Variants in RPA3 observed in about 807,000 individuals in gnomAD.
The protein encoded by RPA3 is replication protein A3, also known as replication protein A 14 kDa subunit.
Under a neutral mutation model 13.7 loss-of-function variants are expected in RPA3, and 24 were observed. The ratio of observed to expected loss-of-function variants is 1.75; its 90% confidence interval spans 1.27 to 2.46. The LOEUF is 2.46. RPA3 is among the 30% of genes most tolerant of loss of function. The probability of loss-of-function intolerance (pLI) is 0.00; values close to 1 mark genes in which losing one functional copy is unlikely to be tolerated. For missense variants in RPA3, 183 were observed against 151.0 expected (o/e 1.21, Z -1.11); for synonymous variants, 59 against 51.2 (o/e 1.15, Z -0.65).
At chr7:7,665,027 A>C (rs1304141523) in intron 4 of RPA3, among the ~76,000 whole-genome samples, 1 of 152,208 alleles carries the variant, frequency 6.6e-6, no homozygotes, top group Middle Eastern at 3.2e-3. Context: ...ACACACACAC[A>C]CATTCATACA....
At chr7:7,717,254 A>C (rs905794601) in intron 1 of RPA3, among the ~76,000 whole-genome samples, 1 of 151,624 alleles carries the variant, frequency 6.6e-6, no homozygotes, top group Non-Finnish European at 1.5e-5. Context: ...ACTGGGTTTC[A>C]CCACGTTGGC....
At chr7:7,710,027 A>T (rs1780712991) in intron 2 of RPA3, among the ~76,000 whole-genome samples, 1 of 152,178 alleles carries the variant, frequency 6.6e-6, no homozygotes, top group Non-Finnish European at 1.5e-5. Flanking sequence ...ATATAAATCG[A>T]GTCACTCACA....
intron 2 of RPA3, among the ~76,000 whole-genome samples, chr7:7,710,853 C>A (rs1780740542): frequency 6.6e-6 from 1 of 152,112 alleles, no homozygotes; most frequent in South Asian, 2.1e-4. Flanking sequence ...TAATACTCAG[C>A]AAGAAGAAGT....
intron 2 of RPA3, among the ~76,000 whole-genome samples, chr7:7,707,111 C>T (rs1429780347): frequency 2.0e-5 from 3 of 152,068 alleles, no homozygotes; most frequent in Non-Finnish European, 4.4e-5. Flanking sequence ...TACTACCATT[C>T]CCTGGTTGGT....
intron 2 of RPA3, among the ~76,000 whole-genome samples, chr7:7,692,809 A>G (rs1464948614): frequency 2.0e-5 from 3 of 152,110 alleles, no homozygotes; most frequent in Non-Finnish European, 4.4e-5. Flanking sequence ...GGGGTTCACC[A>G]TGTTGGTCAG....
At position 7,664,082 on chromosome 7, in the gene RPA3, T is replaced by C. The variant is rs532667264; in HGVS notation, c.-758+21748A>G. 2.0e-4 allele frequency among the ~76,000 whole-genome samples: 31 copies of C among 152,360 alleles called. 1 individual carries two copies. In the South Asian group the frequency reaches 5.4e-3, roughly 26 times the overall value. On this transcript the variant is annotated intron_variant, in intron 4 of 7. Transcript: ENST00000223129. ...ATCTGCACAGTATTTGTAAACATCGTGAATTTCTTGCTATTATTTAAAACC... is the reference window on the plus strand; with the variant it reads ...ATCTGCACAGTATTTGTAAACATCGCGAATTTCTTGCTATTATTTAAAACC...
At chr7:7,706,228 C>T (rs1263485357) in intron 2 of RPA3, among the ~76,000 whole-genome samples, 3 of 152,056 alleles carry the variant, frequency 2.0e-5, no homozygotes, top group East Asian at 3.9e-4. Context: ...AACGGATAAT[C>T]ACCTTCTGAG....
chr7:7,638,050 G>A, intron 6 of RPA3, 78 bp from the exon 7 acceptor site: 1 of 978,078 alleles, frequency 1.0e-6, no homozygotes, highest in Non-Finnish European at 1.6e-6. Context: ...TGTTATACAG[G>A]TTACTAATCT....
chr7:7,683,911 C>T (rs910388269), intron 4 of RPA3, among the ~76,000 whole-genome samples: 80 of 152,236 alleles, frequency 5.3e-4, no homozygotes, highest in African/African-American at 1.7e-3. Flanking sequence ...GCGTGAGCCA[C>T]TGCTTCCAGC....
intron 2 of RPA3, among the ~76,000 whole-genome samples, chr7:7,699,699 T>C (rs1042689282): frequency 2.0e-5 from 3 of 152,226 alleles, no homozygotes; most frequent in Non-Finnish European, 4.4e-5. Context: ...AGGGCAGATA[T>C]ATTTTTCAAT....
rs1250261083 is a variant in RPA3 at position 7,693,295 on chromosome 7, T to TTATCTATCTATCTATCTATC, written c.-1027-5987_-1027-5968dup. Among the ~76,000 whole-genome samples the TTATCTATCTATCTATCTATC allele has an allele frequency of 4.8e-3, 720 of 148,994 alleles. 3 individuals carry two copies. Among genetic ancestry groups the TTATCTATCTATCTATCTATC allele is most frequent in the South Asian group, 6.7e-3 (31 of 4,608 alleles). ...ATGAATAGTTACTCTTAAAATATCT[T>TTATCTATCTATCTATCTATC]TATCTATCTATCTATCTATCTATCT... On this transcript the variant is annotated intron_variant, in intron 2 of 7. Transcript: ENST00000223129.
At chr7:7,688,389 AG>A (rs146296593) in intron 2 of RPA3, among the ~76,000 whole-genome samples, 2,709 of 152,250 alleles carry the variant, frequency 0.018, 78 homozygotes, top group African/African-American at 0.062. Context: ...TATCTTAAAA[AG>A]GAAAACTTAC....
At chr7:7,637,706 CTG>C (rs1266732661) in intron 7 of RPA3, among the ~76,000 whole-genome samples, 156 bp downstream of exon 7, 12 of 150,220 alleles carry the variant, frequency 8.0e-5, no homozygotes, top group Non-Finnish European at 1.5e-4. Context: ...TTATATAAAA[CTG>C]TATGTTATGT....
chr7:7,652,430 G>A (rs761477969), intron 4 of RPA3, among the ~76,000 whole-genome samples: 1 of 152,134 alleles, frequency 6.6e-6, no homozygotes, highest in Non-Finnish European at 1.5e-5. Flanking sequence ...ACAGCTGGCT[G>A]TCTTGTTTAC....
At chr7:7,663,525 G>A (rs530047849) in intron 4 of RPA3, among the ~76,000 whole-genome samples, 8 of 152,252 alleles carry the variant, frequency 5.3e-5, no homozygotes, top group African/African-American at 1.7e-4. Context: ...CAGGGGGAGA[G>A]TCTTTATGTA....
chr7:7,639,191 G>A, intron 5 of RPA3, 47 bp from the exon 6 acceptor site: 1 of 1,472,490 alleles, frequency 6.8e-7, no homozygotes, highest in South Asian at 1.2e-5. Flanking sequence ...CAACAACAAA[G>A]TTTGACTAAA....
At chr7:7,682,018 A>C (rs1286682701) in intron 4 of RPA3, among the ~76,000 whole-genome samples, 1 of 152,186 alleles carries the variant, frequency 6.6e-6, no homozygotes, top group East Asian at 1.9e-4. Flanking sequence ...TTGGTTCACT[A>C]ATATTGTTGA....
Position 7,692,809 on chromosome 7 carries a change from A to T in RPA3, c.-1027-5481T>A, listed in dbSNP as rs1464948614. On this transcript the variant is annotated intron_variant, in intron 2 of 7. Coordinates refer to ENST00000223129, the MANE Select transcript of RPA3 (RefSeq NM_002947.5). ...ATTTTTAGTAGAGACGGGGTTCACC[A>T]TGTTGGTCAGGATGGTCTTGATCTC... is the stretch of plus-strand genomic sequence containing the variant. Among the ~76,000 whole-genome samples, 5 of 152,228 alleles carry T rather than the reference A, an allele frequency of 3.3e-5. No homozygotes were observed. The East Asian group carries it at 9.7e-4, about 29-fold the overall frequency.
chr7:7,652,495 AATGTGAGTAAC>A (rs1288032445), intron 4 of RPA3, among the ~76,000 whole-genome samples: 2 of 152,352 alleles, frequency 1.3e-5, no homozygotes, highest in African/African-American at 4.8e-5. Flanking sequence ...ACTAGACTAG[AATGTGAGTAAC>A]ATTTTGCATG....
Sources: allele counts gnomAD v4.1 joint callset (sites outside exome capture counted in the v4.1 genomes callset), GRCh38; gene constraint gnomAD v4.1.1; transcripts MANE v1.5; gene names NCBI Gene and HGNC (gene_info 2026-07-23, HGNC 2026-07-21).